Variants in JMY observed in about 807,000 individuals in gnomAD.
JMY encodes junction mediating and regulatory protein, p53 cofactor.
JMY carries 46 observed loss-of-function variants against 103.3 expected under a neutral mutation model. That is an observed-to-expected ratio of 0.45 (90% CI 0.35 to 0.57). JMY has a LOEUF of 0.57. JMY is among the 20% of genes least tolerant of loss of function. The probability of loss-of-function intolerance (pLI) is 0.00; values close to 1 mark genes in which losing one functional copy is unlikely to be tolerated. For missense variants in JMY, 1,238 were observed against 1,255.2 expected, an observed-to-expected ratio of 0.99 and a Z score of 0.21; for synonymous variants, 526 against 489.3, an observed-to-expected ratio of 1.07 and a Z score of -0.99.
chr5:79,270,377 A>T (rs1344311428), intron 1 of JMY, among the ~76,000 whole-genome samples: 2 of 136,512 alleles, frequency 1.5e-5, no homozygotes, highest in Non-Finnish European at 3.1e-5. Context: ...ATATTTACAT[A>T]AATATTTACA....
intron 1 of JMY, among the ~76,000 whole-genome samples, chr5:79,246,073 G>A (rs1744891893): frequency 6.6e-6 from 1 of 152,176 alleles, no homozygotes; most frequent in Non-Finnish European, 1.5e-5. Flanking sequence ...TTCATTTTGT[G>A]TGTGTTTATC....
At position 79,323,416 on chromosome 5, in the gene JMY, AT is replaced by A. The variant is rs982971506; in HGVS notation, c.*1815del. Reference sequence around the variant, plus strand: ...GATGTAATATGGAAGCTTCAACAGCATGGGGGTGGTGATAGTGTCCTATTTG... The same window carrying A: ...GATGTAATATGGAAGCTTCAACAGCAGGGGGTGGTGATAGTGTCCTATTTG... On this transcript the variant is annotated 3_prime_UTR_variant, in exon 11 of 11. Coordinates refer to ENST00000396137, the MANE Select transcript of JMY (RefSeq NM_152405.5). 95 of 152,364 alleles carry A rather than the reference AT, an allele frequency of 6.2e-4. 1 individual carries two copies. Among genetic ancestry groups the A allele is most frequent in the African/African-American group, 2.2e-3 (93 of 41,600 alleles). 9.4% of individuals were successfully genotyped at this position (152,364 alleles called of 1,614,324 possible).
intron 7 of JMY, 35 bp from the exon 8 acceptor site, chr5:79,312,368 A>G (rs1747072625): frequency 8.0e-7 from 1 of 1,257,354 alleles, no homozygotes; most frequent in Non-Finnish European, 1.1e-6. Context: ...AAATTGGGAC[A>G]CAGCATAATG....
rs112970810 is a variant in JMY at position 79,242,640 on chromosome 5, G to A, written c.1032+4958G>A. Among the ~76,000 whole-genome samples, 364 of 152,246 alleles carry A rather than the reference G, an allele frequency of 2.4e-3. 3 individuals carry two copies. The highest frequency in any genetic ancestry group is 3.5e-3 in the Non-Finnish European group (238 of 68,008). ...CCTAGATTTGTCTTAATCCAAACGTGTGCCTTTTCTGCCATGCCTGTGGCC... is the reference window on the plus strand; with the variant it reads ...CCTAGATTTGTCTTAATCCAAACGTATGCCTTTTCTGCCATGCCTGTGGCC... On this transcript the variant is annotated intron_variant, in intron 1 of 10. Transcript: ENST00000396137.
intron 1 of JMY, among the ~76,000 whole-genome samples, chr5:79,274,803 A>G (rs1369653780): frequency 6.6e-6 from 1 of 152,212 alleles, no homozygotes. Flanking sequence ...GATAAATTGT[A>G]GAGCCTCTGG....
intron 4 of JMY, among the ~76,000 whole-genome samples, chr5:79,298,450 T>C (rs575723576): frequency 2.0e-5 from 3 of 152,338 alleles, no homozygotes; most frequent in South Asian, 4.1e-4. Flanking sequence ...TCATCTAAAG[T>C]GGCGAGTCCA....
intron 7 of JMY, among the ~76,000 whole-genome samples, chr5:79,310,102 AC>A: frequency 8.6e-6 from 1 of 116,124 alleles, no homozygotes; most frequent in South Asian, 2.7e-4. Flanking sequence ...GTCTTACTCT[AC>A]CCAGGCTGAA....
At chr5:79,285,011 T>C in intron 2 of JMY, 1 of 795,090 alleles carries the variant, frequency 1.3e-6, no homozygotes, top group Admixed American at 2.3e-5. Flanking sequence ...AAATCCAGTG[T>C]CTTTAATGAG....
At chr5:79,319,043 TG>T (rs1215995414) in intron 10 of JMY, among the ~76,000 whole-genome samples, 1 of 152,194 alleles carries the variant, frequency 6.6e-6, no homozygotes, top group East Asian at 1.9e-4. Flanking sequence ...TCATTACAGA[TG>T]GTCCACAGTG....
rs753216034 is a variant in JMY at position 79,314,652 on chromosome 5, C to CCCACCA, written c.2469_2474dup (p.Pro824_Pro825dup). Reference sequence around the variant, plus strand: ...CACCTCCCCCACCTCCTCCCCCTCCCCCACCACCACCACCTCTGCCTGTTG... The same window carrying CCCACCA: ...CACCTCCCCCACCTCCTCCCCCTCCCCCACCACCACCACCACCACCTCTGCCTGTTG... On this transcript the variant is annotated inframe_insertion, in exon 9 of 11. Transcript: ENST00000396137. 18 of 1,567,264 alleles carry CCCACCA rather than the reference C, an allele frequency of 1.1e-5. No individual in the cohort carries two copies. Among genetic ancestry groups the CCCACCA allele is most frequent in the Admixed American group, 1.8e-5 (1 of 56,346 alleles).
intron 7 of JMY, among the ~76,000 whole-genome samples, chr5:79,309,558 G>T (rs1259466149): frequency 6.6e-6 from 1 of 152,032 alleles, no homozygotes; most frequent in Non-Finnish European, 1.5e-5. Context: ...CCATATCTCT[G>T]TATTTGGATA....
chr5:79,274,302 C>T (rs1485983802), intron 1 of JMY, among the ~76,000 whole-genome samples: 1 of 151,944 alleles, frequency 6.6e-6, no homozygotes, highest in African/African-American at 2.4e-5. Flanking sequence ...GTCCAATTAG[C>T]GTTATAATAG....
At chr5:79,286,127 A>G (rs1425446788) in intron 2 of JMY, among the ~76,000 whole-genome samples, 1 of 152,202 alleles carries the variant, frequency 6.6e-6, no homozygotes, top group Non-Finnish European at 1.5e-5. Context: ...CTTAGGTACA[A>G]TAAACTATTA....
intron 4 of JMY, among the ~76,000 whole-genome samples, chr5:79,292,380 G>C (rs368217329): frequency 1.3e-5 from 2 of 151,924 alleles, no homozygotes; most frequent in Admixed American, 6.6e-5. Context: ...GCTGGAGTGC[G>C]ATCACAACTC....
intron 1 of JMY, among the ~76,000 whole-genome samples, chr5:79,259,182 G>A (rs565905630): frequency 7.4e-4 from 112 of 152,224 alleles, no homozygotes; most frequent in African/African-American, 2.5e-3. Context: ...AGGTCATCCC[G>A]ACGAGTGTCC....
At position 79,236,815 on chromosome 5, in the gene JMY, G is replaced by C; in HGVS notation, c.165G>C (p.Arg55Ser). ...ACAACCGGACGGCCCAGAGGCAGAG[G>C]AGCGGCTCCCGGGAGCAAGCGGGGG... ...TCHNRTAQRQ[R>S]SGSREQAGAR... Residue 55 changes from arginine (R) to serine (S), a missense_variant, in exon 1 of 11, where the codon AGG becomes AGC. Physicochemically the swap from Arg to Ser is moderately radical, Grantham distance 110. Transcript: ENST00000396137. The C allele has an allele frequency of 6.8e-7, 1 of 1,481,114 alleles. No homozygotes were observed. Among genetic ancestry groups the C allele is most frequent in the Non-Finnish European group, 9.0e-7 (1 of 1,112,062 alleles). The allele number at this position is 1,481,114 out of a possible 1,614,324, so 91.7% of individuals were successfully genotyped here.
intron 1 of JMY, among the ~76,000 whole-genome samples, chr5:79,275,551 A>C (rs371856530): frequency 2.6e-5 from 4 of 152,306 alleles, no homozygotes; most frequent in Admixed American, 1.3e-4. Context: ...TAAACCGTCT[A>C]GAGCCCTCCC....
intron 7 of JMY, among the ~76,000 whole-genome samples, chr5:79,310,904 C>T (rs559244308): frequency 6.6e-6 from 1 of 152,182 alleles, no homozygotes; most frequent in East Asian, 1.9e-4. Context: ...CTTTGGGAGG[C>T]CGAAGCAGGA....
chr5:79,319,726 G>A (rs756061579), intron 10 of JMY, among the ~76,000 whole-genome samples: 9 of 151,886 alleles, frequency 5.9e-5, no homozygotes, highest in East Asian at 1.9e-4. Context: ...GATTATAGGC[G>A]TGTGTTACCA....
Sources: allele counts gnomAD v4.1 joint callset (sites outside exome capture counted in the v4.1 genomes callset), GRCh38; gene constraint gnomAD v4.1.1; transcripts MANE v1.5; gene names NCBI Gene and HGNC (gene_info 2026-07-23, HGNC 2026-07-21).